The following ASTN1 variants were observed in gnomAD, a reference collection of about 807,000 sequenced individuals.
ASTN1 encodes the protein astrotactin 1.
Under a neutral mutation model 140.7 loss-of-function variants are expected in ASTN1, and 41 were observed. That is an observed-to-expected ratio of 0.29 (90% CI 0.23 to 0.38). The LOEUF is 0.38. Ranked by LOEUF, ASTN1 falls within the 10% of genes least tolerant of loss-of-function variation. The pLI, the probability that ASTN1 is intolerant of heterozygous loss-of-function variation, is 1.00. For synonymous variants in ASTN1, 640 were observed against 652.2 expected (o/e 0.98, Z 0.29); for missense variants, 1,479 against 1,678.8 (o/e 0.88, Z 2.08).
chr1:177,159,278 A>T (rs1171776638), intron 1 of ASTN1, among the ~76,000 whole-genome samples: 3 of 152,148 alleles, frequency 2.0e-5, no homozygotes, highest in Non-Finnish European at 1.5e-5. Context: ...GCACATTCTG[A>T]TAGCATGAGT....
intron 1 of ASTN1, among the ~76,000 whole-genome samples, chr1:177,109,164 T>A (rs1388218918): frequency 2.6e-5 from 4 of 152,162 alleles, no homozygotes; most frequent in Admixed American, 2.6e-4. Flanking sequence ...ATATATATAA[T>A]TTAAATGTAT....
chr1:176,950,856 C>T (rs1228200316), intron 11 of ASTN1, among the ~76,000 whole-genome samples: 2 of 152,068 alleles, frequency 1.3e-5, no homozygotes, highest in Non-Finnish European at 2.9e-5. Flanking sequence ...ACTTTCTAAA[C>T]TCAATGAAAC....
chr1:177,064,414 C>T (rs6695326), intron 1 of ASTN1, among the ~76,000 whole-genome samples: 152,045 of 152,356 alleles, frequency 1, 75,870 homozygotes, highest in Middle Eastern at 1. Flanking sequence ...TCCCAGAACA[C>T]TCCATCAGCT....
chr1:177,128,981 G>C (rs1375480543), intron 1 of ASTN1, among the ~76,000 whole-genome samples: 1 of 152,152 alleles, frequency 6.6e-6, no homozygotes, highest in African/African-American at 2.4e-5. Context: ...GTTGTCAAAG[G>C]TGCCAACGAG....
rs1213413052 is a variant in ASTN1 at position 176,861,356 on chromosome 1, G to T, written c.*2928C>A. 3.0e-6 allele frequency: 3 copies of T among 985,700 alleles called. No homozygotes were observed. The highest frequency in any genetic ancestry group is 3.6e-6 in the Non-Finnish European group (3 of 829,928). 61.1% of individuals were successfully genotyped at this position (985,700 alleles called of 1,614,324 possible). Reference sequence around the variant, plus strand: ...ATTACAGTGGTTCATGTACATTCAAGAGGAAACTCCAGAGGTCTTGGGGAC... The same window carrying T: ...ATTACAGTGGTTCATGTACATTCAATAGGAAACTCCAGAGGTCTTGGGGAC... On this transcript the variant is annotated 3_prime_UTR_variant, in exon 23 of 23. Transcript: ENST00000361833.
intron 16 of ASTN1, among the ~76,000 whole-genome samples, chr1:176,904,237 T>G (rs1422607148): frequency 2.6e-5 from 4 of 152,158 alleles, no homozygotes; most frequent in Admixed American, 2.0e-4. Context: ...ATGTAGGGGC[T>G]TGCAGTCCAT....
At chr1:177,054,389 C>T (rs1677693087) in intron 2 of ASTN1, among the ~76,000 whole-genome samples, 1 of 152,194 alleles carries the variant, frequency 6.6e-6, no homozygotes, top group African/African-American at 2.4e-5. Flanking sequence ...ATTCTCCTAA[C>T]ATCTCCTAAC....
chr1:176,862,636 GT>G lies in ASTN1; in HGVS notation c.*1647del. ...GCCTGAAATCACACTGAAACTCAGT[GT>G]GAGTTACAGTGCACAAGGGATTTGA... On this transcript the variant is annotated 3_prime_UTR_variant, in exon 23 of 23. Coordinates refer to ENST00000361833, the MANE Select transcript of ASTN1 (RefSeq NM_004319.3). 1 of 951,914 alleles carries G rather than the reference GT, an allele frequency of 1.1e-6. No homozygotes were observed. The highest frequency in any genetic ancestry group is 1.2e-4 in the East Asian group (1 of 8,644). The allele number at this position is 951,914 out of a possible 1,614,324, so 59.0% of individuals were successfully genotyped here. A position where few individuals can be genotyped will look rare whatever the true frequency, so the allele number is the denominator to read the frequency against.
intron 8 of ASTN1, among the ~76,000 whole-genome samples, chr1:177,011,672 A>C (rs1401312869): frequency 6.6e-6 from 1 of 151,402 alleles, no homozygotes. Context: ...CCACACACAC[A>C]CATGCATGCA....
chr1:177,144,307 C>T (rs1459648528), intron 1 of ASTN1, among the ~76,000 whole-genome samples: 1 of 150,400 alleles, frequency 6.6e-6, no homozygotes, highest in Non-Finnish European at 1.5e-5. Flanking sequence ...GGCTGGAGTG[C>T]AGTGGCGCGA....
At chr1:176,989,092 G>A (rs933278570) in intron 8 of ASTN1, among the ~76,000 whole-genome samples, 2 of 152,186 alleles carry the variant, frequency 1.3e-5, no homozygotes, top group Non-Finnish European at 2.9e-5. Context: ...GGAGTAAAAA[G>A]GGGCATTTCC....
At chr1:177,090,031 ACC>A (rs963004543) in intron 1 of ASTN1, among the ~76,000 whole-genome samples, 3 of 151,248 alleles carry the variant, frequency 2.0e-5, no homozygotes, top group Non-Finnish European at 3.0e-5. Flanking sequence ...ACACACACAC[ACC>A]CCCCTCAATC....
In ASTN1 at chr1:177,057,337, C is replaced by A. The variant is rs567123859; in HGVS notation, c.471+3741G>T. Among the ~76,000 whole-genome samples the A allele has an allele frequency of 5.9e-5, 9 of 152,284 alleles. No homozygotes were observed. In the South Asian group the frequency reaches 1.7e-3, roughly 28 times the overall value. On this transcript the variant is annotated intron_variant, in intron 2 of 22. Transcript: ENST00000361833. ...TGGTATAAAAGAGAACTTGCAAATT[C>A]TCATTCATACAATGCCATAAGGGTC...
intron 1 of ASTN1, among the ~76,000 whole-genome samples, chr1:177,129,477 T>A (rs1297815629): frequency 6.6e-6 from 1 of 152,136 alleles, no homozygotes; most frequent in Non-Finnish European, 1.5e-5. Flanking sequence ...CACTGTCAAC[T>A]CAAATCTTCT....
intron 1 of ASTN1, among the ~76,000 whole-genome samples, chr1:177,137,706 G>A (rs1472174109): frequency 6.6e-6 from 1 of 152,150 alleles, no homozygotes; most frequent in African/African-American, 2.4e-5. Context: ...GCTAGGCCTG[G>A]AAAATACTGA....
At chr1:176,925,809 A>ATTT (rs1249360404) in intron 16 of ASTN1, among the ~76,000 whole-genome samples, 1 of 131,164 alleles carries the variant, frequency 7.6e-6, no homozygotes, top group Non-Finnish European at 1.7e-5. Flanking sequence ...AGGTAAAGGC[A>ATTT]TTCTTTTTTT....
rs750217502 is a variant in ASTN1 at position 177,032,504 on chromosome 1, C to G, written c.817G>C (p.Asp273His). Residue 273 changes from aspartate to histidine, a missense_variant, in exon 3 of 23, where the codon GAC becomes CAC. By Grantham distance (81) the Asp-to-His change is moderately conservative (BLOSUM62 -1). Coordinates refer to ENST00000361833, the MANE Select transcript of ASTN1 (RefSeq NM_004319.3). Reference protein sequence around the residue: ...DFASQVTRTLDSLQGCNEKSG... With the variant: ...DFASQVTRTLHSLQGCNEKSG... Reference sequence around the variant, plus strand: ...TTTTCATTGCAGCCCTGCAGGGAGTCGAGGGTGCGCGTGACCTGGCTGGCA... The same window carrying G: ...TTTTCATTGCAGCCCTGCAGGGAGTGGAGGGTGCGCGTGACCTGGCTGGCA... 6 of 1,613,952 alleles carry G rather than the reference C, an allele frequency of 3.7e-6. No individual in the cohort carries two copies. Among genetic ancestry groups the G allele is most frequent in the Non-Finnish European group, 5.1e-6 (6 of 1,180,030 alleles).
chr1:176,926,164 T>G (rs1670959459), intron 16 of ASTN1, among the ~76,000 whole-genome samples: 2 of 152,020 alleles, frequency 1.3e-5, no homozygotes, highest in African/African-American at 4.8e-5. Flanking sequence ...CACATGCACA[T>G]CATTTAAGCT....
chr1:176,957,643 C>G, intron 11 of ASTN1, 35 bp downstream of exon 11: 1 of 1,608,492 alleles, frequency 6.2e-7, no homozygotes, highest in Non-Finnish European at 8.5e-7. Context: ...TCCCCATCCT[C>G]AAACAGAAAC....
Sources: allele counts gnomAD v4.1 joint callset (sites outside exome capture counted in the v4.1 genomes callset), GRCh38; gene constraint gnomAD v4.1.1; transcripts MANE v1.5; gene names NCBI Gene and HGNC (gene_info 2026-07-23, HGNC 2026-07-21).